MCTP2: variants seen among roughly 807,000 people sequenced by gnomAD.
The protein encoded by MCTP2 is multiple C2 and transmembrane domain containing 2.
MCTP2 carries 132 observed loss-of-function variants against 111.6 expected under a neutral mutation model. That is an observed-to-expected ratio of 1.18 (90% confidence interval 1.03 to 1.37). The LOEUF (loss-of-function observed/expected upper bound fraction) is 1.37, where lower values mean the gene tolerates loss of function less well. MCTP2 is among the 40% of genes most tolerant of loss of function. The pLI, the probability that MCTP2 is intolerant of heterozygous loss-of-function variation, is 0.00. For missense variants in MCTP2, 1,183 were observed against 1,067.9 expected (o/e 1.11, Z -1.50); for synonymous variants, 395 against 387.7 (o/e 1.02, Z -0.22).
intron 2 of MCTP2, among the ~76,000 whole-genome samples, chr15:94,309,436 C>G (rs940787819): frequency 6.6e-6 from 1 of 152,110 alleles, no homozygotes; most frequent in Non-Finnish European, 1.5e-5. Context: ...TTTAGCTTTT[C>G]TGGATGTGGG....
intron 13 of MCTP2, 24 bp downstream of exon 13, chr15:94,384,148 T>C: frequency 6.5e-7 from 1 of 1,534,752 alleles, no homozygotes; most frequent in East Asian, 2.3e-5. Flanking sequence ...CCTCTGGAAT[T>C]ATTTCTGCTG....
At position 94,458,165 on chromosome 15, in the gene MCTP2, G is replaced by T. The variant is rs183933618; in HGVS notation, c.2279G>T (p.Arg760Ile). The T allele has an allele frequency of 1.9e-6, 3 of 1,611,040 alleles. No homozygotes were observed. The highest frequency in any genetic ancestry group is 1.7e-5 in the Admixed American group (1 of 59,974). Residue 760 changes from arginine (R) to isoleucine (I), a missense_variant, in exon 20 of 23, where the codon AGA becomes ATA. By Grantham distance (97) the Arg-to-Ile change is moderately conservative (BLOSUM62 -3). Transcript: ENST00000357742. ...TCTGAGAAAAAGGGGTTGATTGAAA[G>T]AATCTATATGGTACAGGATATTGTT... ...KESEKKGLIERIYMVQDIVST... is the reference protein window; with the variant it reads ...KESEKKGLIEIIYMVQDIVST...
At chr15:94,321,589 T>C (rs1222010727) in intron 4 of MCTP2, among the ~76,000 whole-genome samples, 1 of 152,218 alleles carries the variant, frequency 6.6e-6, no homozygotes, top group African/African-American at 2.4e-5. Context: ...TCCCCCGTCA[T>C]TGAATTAGAT....
At chr15:94,312,449 C>T (rs1233920419) in intron 2 of MCTP2, among the ~76,000 whole-genome samples, 2 of 152,210 alleles carry the variant, frequency 1.3e-5, no homozygotes, top group Non-Finnish European at 2.9e-5. Context: ...CTTTTCTTGT[C>T]TGTCATCAAG....
At chr15:94,237,520 C>T (rs150983655) in intron 1 of MCTP2, among the ~76,000 whole-genome samples, 5 of 151,804 alleles carry the variant, frequency 3.3e-5, no homozygotes, top group African/African-American at 1.2e-4. Flanking sequence ...AAATTCTTAT[C>T]AAATGGGTTT....
intron 1 of MCTP2, among the ~76,000 whole-genome samples, chr15:94,284,881 A>G (rs1441843572): frequency 1.3e-5 from 2 of 152,226 alleles, no homozygotes; most frequent in Non-Finnish European, 2.9e-5. Context: ...AGGATAAAAA[A>G]GTTTTTAAAA....
rs578136134 is a variant in MCTP2, at chr15:94,240,422, C to T, written c.-66+8758C>T. Reference sequence around the variant, plus strand: ...ATTTCAATCACTGCACTCTGTTTTGCATCCCAGGGAAATTATTTCACCCCA... The same window carrying T: ...ATTTCAATCACTGCACTCTGTTTTGTATCCCAGGGAAATTATTTCACCCCA... On this transcript the variant is annotated intron_variant, in intron 1 of 22. Coordinates refer to ENST00000357742, the MANE Select transcript of MCTP2 (RefSeq NM_001385001.1). 3.3e-5 allele frequency among the ~76,000 whole-genome samples: 5 copies of T among 152,148 alleles called. 1 individual carries two copies. The highest frequency in any genetic ancestry group is 1.2e-4 in the African/African-American group (5 of 41,428).
intron 1 of MCTP2, among the ~76,000 whole-genome samples, chr15:94,271,665 T>C (rs2073913547): frequency 6.6e-6 from 1 of 152,224 alleles, no homozygotes; most frequent in South Asian, 2.1e-4. Flanking sequence ...ATTTGAAAGA[T>C]AGGTATTTGA....
intron 4 of MCTP2, among the ~76,000 whole-genome samples, chr15:94,319,316 A>G (rs928316023): frequency 6.6e-6 from 1 of 152,192 alleles, no homozygotes; most frequent in African/African-American, 2.4e-5. Context: ...TTGCCTAGGT[A>G]CAGCGTCACT....
intron 12 of MCTP2, among the ~76,000 whole-genome samples, chr15:94,382,378 A>T (rs184465550): frequency 6.6e-6 from 1 of 152,350 alleles, no homozygotes; most frequent in East Asian, 1.9e-4. Context: ...CATTGTTTGC[A>T]ATTGAAAACC....
At chr15:94,351,983 C>G (rs1451058072) in intron 8 of MCTP2, among the ~76,000 whole-genome samples, 1 of 152,212 alleles carries the variant, frequency 6.6e-6, no homozygotes, top group Non-Finnish European at 1.5e-5. Flanking sequence ...GCTGACCTGT[C>G]CATCCTTCCT....
At chr15:94,233,064 T>C (rs1260028729) in intron 1 of MCTP2, among the ~76,000 whole-genome samples, 1 of 152,118 alleles carries the variant, frequency 6.6e-6, no homozygotes, top group Non-Finnish European at 1.5e-5. Context: ...TTTTCACTAT[T>C]CCATGCTGTC....
intron 2 of MCTP2, among the ~76,000 whole-genome samples, chr15:94,302,701 T>C (rs1278294284): frequency 2.0e-5 from 3 of 152,204 alleles, no homozygotes; most frequent in Non-Finnish European, 4.4e-5. Context: ...TTCTTGGCAG[T>C]ATCACCATTA....
chr15:94,467,169 G>T (rs1341884968), intron 20 of MCTP2, among the ~76,000 whole-genome samples: 3 of 152,146 alleles, frequency 2.0e-5, no homozygotes, highest in Non-Finnish European at 4.4e-5. Flanking sequence ...GCACAGAGTG[G>T]TGGGGTAAAT....
chr15:94,276,118 A>G lies in MCTP2; in HGVS notation c.-65-22083A>G, dbSNP rs377252477. Among the ~76,000 whole-genome samples the G allele has an allele frequency of 2.5e-4, 38 of 152,270 alleles. No homozygotes were observed. In the South Asian group the frequency reaches 3.3e-3, roughly 13 times the overall value. ...CTTGGCCTCCCAAAGTGCTGGGATT[A>G]CAGGTGTGAGCCACCGTGCCTGGCC... is the stretch of plus-strand genomic sequence containing the variant. On this transcript the variant is annotated intron_variant, in intron 1 of 22. Transcript: ENST00000357742.
At chr15:94,397,658 G>A (rs2081348866) in intron 14 of MCTP2, among the ~76,000 whole-genome samples, 1 of 152,110 alleles carries the variant, frequency 6.6e-6, no homozygotes, top group African/African-American at 2.4e-5. Flanking sequence ...GGGTGACTTT[G>A]GGAAGGAAGA....
chr15:94,460,057 T>C (rs925564244), intron 20 of MCTP2, among the ~76,000 whole-genome samples: 2 of 152,176 alleles, frequency 1.3e-5, no homozygotes, highest in African/African-American at 4.8e-5. Context: ...TCCTCCTCAT[T>C]ACTACACTAT....
chr15:94,350,674 G>A (rs2152417789), intron 8 of MCTP2, among the ~76,000 whole-genome samples: 1 of 152,350 alleles, frequency 6.6e-6, no homozygotes, highest in South Asian at 2.1e-4. Context: ...GCCCTCGGTA[G>A]GGTTGCTTAT....
chr15:94,440,164 T>C lies in MCTP2; in HGVS notation c.2086-12T>C, dbSNP rs558404876. 1.2e-5 allele frequency: 19 copies of C among 1,613,684 alleles called. No homozygotes were observed. The Admixed American group carries it at 3.2e-4, about 27-fold the overall frequency. On this transcript the variant is annotated splice_polypyrimidine_tract_variant and intron_variant, in intron 17 of 22. Coordinates refer to ENST00000357742, the MANE Select transcript of MCTP2 (RefSeq NM_001385001.1). ...TCAAGCAGTCGTGTATTCTTATTTG[T>C]CTTTCAATCAGGTATTTTTGATCAC...
Sources: allele counts gnomAD v4.1 joint callset (sites outside exome capture counted in the v4.1 genomes callset), GRCh38; gene constraint gnomAD v4.1.1; transcripts MANE v1.5; gene names NCBI Gene and HGNC (gene_info 2026-07-23, HGNC 2026-07-21).